The following RFPL4B variants were observed in gnomAD, a reference collection of about 807,000 sequenced individuals.
The protein encoded by RFPL4B is ret finger protein-like 4B.
For missense variants in RFPL4B, 314 were observed against 327.7 expected (o/e 0.96, Z 0.32); for synonymous variants, 118 against 126.3 (o/e 0.93, Z 0.44).
In RFPL4B at chr6:112,349,996, T is replaced by C. The variant is rs1430864246; in HGVS notation, c.288T>C (p.Asp96=). 11 of 1,614,198 alleles carry C rather than the reference T, an allele frequency of 6.8e-6. 1 individual carries two copies. Among genetic ancestry groups the C allele is most frequent in the South Asian group, 2.2e-5 (2 of 91,088 alleles). The part of the protein sequence containing the change: ...VREELRHFRE[D]VTLDAATASS... ...AGGAGCTCCGGCATTTTCGGGAGGATGTGACCCTGGATGCAGCCACTGCCA... is the reference window on the plus strand; with the variant it reads ...AGGAGCTCCGGCATTTTCGGGAGGACGTGACCCTGGATGCAGCCACTGCCA... The change falls in exon 3 of 3, where the codon GAT becomes GAC. Residue 96 remains aspartate, a synonymous_variant. Coordinates refer to ENST00000441065, the MANE Select transcript of RFPL4B (RefSeq NM_001013734.3).
Position 112,350,251 on chromosome 6 carries a change from G to A in RFPL4B, c.543G>A (p.Trp181Ter). 2.5e-6 allele frequency: 4 copies of A among 1,614,222 alleles called. No individual in the cohort carries two copies. The highest frequency in any genetic ancestry group is 3.4e-6 in the Non-Finnish European group (4 of 1,180,036). The change falls in exon 3 of 3, where the codon TGG becomes TGA. Residue 181 changes from tryptophan to a stop codon, truncating the protein, a stop_gained. Coordinates refer to ENST00000441065, the MANE Select transcript of RFPL4B (RefSeq NM_001013734.3). LOFTEE classifies it low-confidence loss of function (END_TRUNC). ...SNDLFPEHGF[W>*]ISMKAGAIHA... ...ATTTATTCCCTGAGCATGGCTTCTG[G>A]ATCAGCATGAAGGCAGGAGCAATCC...
chr6:112,348,753 A>C (rs1348077708), intron 1 of RFPL4B, among the ~76,000 whole-genome samples: 1 of 152,196 alleles, frequency 6.6e-6, no homozygotes, highest in Admixed American at 6.5e-5. Context: ...TGTGCCCAGC[A>C]TGTCAGAGAC....
intron 1 of RFPL4B, among the ~76,000 whole-genome samples, chr6:112,348,952 C>G (rs1789116196): frequency 6.6e-6 from 1 of 152,090 alleles, no homozygotes; most frequent in African/African-American, 2.4e-5. Flanking sequence ...TTAATTCAAG[C>G]CTTAATTAGT....
Position 112,350,192 on chromosome 6 carries a change from G to A in RFPL4B, c.484G>A (p.Val162Ile), listed in dbSNP as rs149053311. The A allele has an allele frequency of 1.0e-4, 165 of 1,614,062 alleles. No individual in the cohort carries two copies. Among genetic ancestry groups the A allele is most frequent in the South Asian group, 2.1e-4 (19 of 91,090 alleles). The change falls in exon 3 of 3, where the codon GTC (valine) becomes ATC (isoleucine). Residue 162 changes from valine to isoleucine, a missense_variant. Coordinates refer to ENST00000441065, the MANE Select transcript of RFPL4B (RefSeq NM_001013734.3). The part of the protein sequence containing the change: ...VGEVKSWSLG[V>I]CKEPADRKSN... ...AGAGGTGAAGTCATGGTCCCTGGGCGTCTGCAAGGAGCCGGCTGACAGAAA... is the reference window on the plus strand; with the variant it reads ...AGAGGTGAAGTCATGGTCCCTGGGCATCTGCAAGGAGCCGGCTGACAGAAA...
In RFPL4B at chr6:112,350,527, C is replaced by G; in HGVS notation, c.*27C>G. 1 of 1,532,020 alleles carries G rather than the reference C, an allele frequency of 6.5e-7. No homozygotes were observed. The highest frequency in any genetic ancestry group is 8.8e-7 in the Non-Finnish European group (1 of 1,139,598). The allele number at this position is 1,532,020 out of a possible 1,614,324, so 94.9% of individuals were successfully genotyped here. On this transcript the variant is annotated 3_prime_UTR_variant, in exon 3 of 3. Transcript: ENST00000441065. ...AAAGTCAGCCCTTCCTAGAAGCTTTCTGAGAGGTGAAAGAGAATTTTGGCC... is the reference window on the plus strand; with the variant it reads ...AAAGTCAGCCCTTCCTAGAAGCTTTGTGAGAGGTGAAAGAGAATTTTGGCC...
In RFPL4B at chr6:112,350,301, T is replaced by C; in HGVS notation, c.593T>C (p.Ile198Thr). The change falls in exon 3 of 3, where the codon ATT (isoleucine) becomes ACT (threonine). Residue 198 changes from isoleucine to threonine, a missense_variant. Ile to Thr is a moderately conservative substitution (Grantham distance 89). Coordinates refer to ENST00000441065, the MANE Select transcript of RFPL4B (RefSeq NM_001013734.3). ...CATGCTAACACCCACCTGGAGAGAA[T>C]TCCTGCAAGCCCTCGCCTTCGCCGT... ...AIHANTHLERIPASPRLRRVG... is the reference protein window; with the variant it reads ...AIHANTHLERTPASPRLRRVG... 3 of 1,614,254 alleles carry C rather than the reference T, an allele frequency of 1.9e-6. No individual in the cohort carries two copies. The highest frequency in any genetic ancestry group is 2.2e-5 in the East Asian group (1 of 44,890).
rs768177860 is a variant in RFPL4B at position 112,350,340 on chromosome 6, T to G, written c.632T>G (p.Leu211Arg). The change falls in exon 3 of 3, where the codon CTG becomes CGG. Residue 211 changes from leucine to arginine, a missense_variant. Coordinates refer to ENST00000441065, the MANE Select transcript of RFPL4B (RefSeq NM_001013734.3). ...SPRLRRVGIF[L>R]DADLEEIQFF... Reference sequence around the variant, plus strand: ...CGCCTTCGCCGTGTGGGAATTTTCCTGGATGCTGACTTAGAAGAAATCCAG... The same window carrying G: ...CGCCTTCGCCGTGTGGGAATTTTCCGGGATGCTGACTTAGAAGAAATCCAG... The G allele has an allele frequency of 6.2e-7, 1 of 1,614,158 alleles. No homozygotes were observed. Among genetic ancestry groups the G allele is most frequent in the Non-Finnish European group, 8.5e-7 (1 of 1,180,058 alleles).
In RFPL4B at chr6:112,350,333, A is replaced by G. The variant is rs1789137640; in HGVS notation, c.625A>G (p.Ile209Val). The G allele has an allele frequency of 1.9e-6, 3 of 1,614,208 alleles. No homozygotes were observed. In the East Asian group the frequency reaches 6.7e-5, roughly 36 times the overall value. The change falls in exon 3 of 3, where the codon ATT becomes GTT. Residue 209 changes from isoleucine (I) to valine (V), a missense_variant. Transcript: ENST00000441065. ...AAGCCCTCGCCTTCGCCGTGTGGGA[A>G]TTTTCCTGGATGCTGACTTAGAAGA... Reference protein sequence around the residue: ...PASPRLRRVGIFLDADLEEIQ... With the variant: ...PASPRLRRVGVFLDADLEEIQ...
rs1254513260 is a variant in RFPL4B, at chr6:112,351,040, T to C, written c.*540T>C. ...TGGGGAAGAACTAAGTTTTTCATTT[T>C]TATTTTCTTTGAAACACAGCCACAT... On this transcript the variant is annotated 3_prime_UTR_variant, in exon 3 of 3. Transcript: ENST00000441065. 6.0e-6 allele frequency: 1 copy of C among 167,048 alleles called. No homozygotes were observed. The highest frequency in any genetic ancestry group is 1.5e-5 in the Non-Finnish European group (1 of 68,166). The allele number at this position is 167,048 out of a possible 1,614,324, so 10.3% of individuals were successfully genotyped here.
Position 112,350,175 on chromosome 6 carries a change from A to T in RFPL4B, c.467A>T (p.Lys156Met), listed in dbSNP as rs753139385. 1 of 1,614,166 alleles carries T rather than the reference A, an allele frequency of 6.2e-7. No individual in the cohort carries two copies. The highest frequency in any genetic ancestry group is 1.1e-5 in the South Asian group (1 of 91,082). The change falls in exon 3 of 3, where the codon AAG becomes ATG. Residue 156 changes from lysine to methionine, a missense_variant. Coordinates refer to ENST00000441065, the MANE Select transcript of RFPL4B (RefSeq NM_001013734.3). ...HYWEVEVGEVKSWSLGVCKEP... is the reference protein window; with the variant it reads ...HYWEVEVGEVMSWSLGVCKEP... The stretch of plus-strand genomic sequence containing the variant: ...TGGGAGGTTGAAGTGGGAGAGGTGA[A>T]GTCATGGTCCCTGGGCGTCTGCAAG...
At chr6:112,348,413 G>A (rs1039636055) in intron 1 of RFPL4B, among the ~76,000 whole-genome samples, 2 of 152,200 alleles carry the variant, frequency 1.3e-5, no homozygotes, top group African/African-American at 4.8e-5. Flanking sequence ...GAGCACAGAA[G>A]GGGCTCAATA....
chr6:112,349,641 G>GTGCT lies in RFPL4B; in HGVS notation c.-66_-63dup. The GTGCT allele has an allele frequency of 2.2e-6, 3 of 1,370,240 alleles. No individual in the cohort carries two copies. Among genetic ancestry groups the GTGCT allele is most frequent in the Non-Finnish European group, 3.1e-6 (3 of 980,740 alleles). 84.9% of individuals were successfully genotyped at this position (1,370,240 alleles called of 1,614,324 possible). ...TGGATTGTGTACTGAGGGCTCCCAA[G>GTGCT]TGCTTCCAGAAGCCAATAAAGGATC... On this transcript the variant is annotated 5_prime_UTR_variant, in exon 3 of 3. Transcript: ENST00000441065.
At position 112,350,861 on chromosome 6, in the gene RFPL4B, A is replaced by G; in HGVS notation, c.*361A>G. 1 of 187,144 alleles carries G rather than the reference A, an allele frequency of 5.3e-6. No individual in the cohort carries two copies. Among genetic ancestry groups the G allele is most frequent in the Non-Finnish European group, 1.2e-5 (1 of 81,078 alleles). 11.6% of individuals were successfully genotyped at this position (187,144 alleles called of 1,614,324 possible). On this transcript the variant is annotated 3_prime_UTR_variant, in exon 3 of 3. Coordinates refer to ENST00000441065, the MANE Select transcript of RFPL4B (RefSeq NM_001013734.3). ...AGAAATCTTAGATTGTAAGTAAGCTAGATATTAGGTTTTGTGGATAGACAA... is the reference window on the plus strand; with the variant it reads ...AGAAATCTTAGATTGTAAGTAAGCTGGATATTAGGTTTTGTGGATAGACAA...
Position 112,349,876 on chromosome 6 carries a change from G to A in RFPL4B, c.168G>A (p.Val56=). The A allele has an allele frequency of 6.2e-7, 1 of 1,614,140 alleles. No individual in the cohort carries two copies. Among genetic ancestry groups the A allele is most frequent in the East Asian group, 2.2e-5 (1 of 44,880 alleles). ...RAMCPLCRDV[V]KVPALEEWQV... Reference sequence around the variant, plus strand: ...TGTGCCCCTTGTGTCGAGACGTGGTGAAGGTACCTGCTTTGGAAGAATGGC... The same window carrying A: ...TGTGCCCCTTGTGTCGAGACGTGGTAAAGGTACCTGCTTTGGAAGAATGGC... The change falls in exon 3 of 3, where the codon GTG becomes GTA. Residue 56 remains valine, a synonymous_variant. Transcript: ENST00000441065.
intron 1 of RFPL4B, among the ~76,000 whole-genome samples, chr6:112,347,844 C>G (rs1435856901): frequency 6.6e-6 from 1 of 152,096 alleles, no homozygotes; most frequent in Admixed American, 6.6e-5. Flanking sequence ...CGTGGTGGCA[C>G]ATGCTTGTAA....
intron 1 of RFPL4B, 54 bp downstream of exon 1, chr6:112,347,461 T>C (rs1196943723): frequency 6.6e-6 from 1 of 152,260 alleles, no homozygotes; most frequent in Admixed American, 6.5e-5. Flanking sequence ...TGTCTTTGGC[T>C]ACAAACTGGT....
rs963285893 is a variant in RFPL4B at position 112,350,833 on chromosome 6, T to C, written c.*333T>C. 4.8e-6 allele frequency: 1 copy of C among 207,224 alleles called. No homozygotes were observed. The highest frequency in any genetic ancestry group is 2.3e-5 in the African/African-American group (1 of 42,940). The allele number at this position is 207,224 out of a possible 1,614,324, so 12.8% of individuals were successfully genotyped here. A position where few individuals can be genotyped will look rare whatever the true frequency, so the allele number is the denominator to read the frequency against. On this transcript the variant is annotated 3_prime_UTR_variant, in exon 3 of 3. Transcript: ENST00000441065. ...CCTTTGTCTTATAGTAAATAACAAA[T>C]AGAGAAATCTTAGATTGTAAGTAAG...
chr6:112,349,438 T>G (rs1411137137), intron 2 of RFPL4B, 117 bp downstream of exon 2: 2 of 154,996 alleles, frequency 1.3e-5, no homozygotes, highest in Non-Finnish European at 2.9e-5. Flanking sequence ...ACTGTGATTC[T>G]CTAGCAATTT....
rs368536311 is a variant in RFPL4B, at chr6:112,349,683, C to T, written c.-26C>T. The T allele has an allele frequency of 5.5e-4, 882 of 1,599,538 alleles. No individual in the cohort carries two copies. The highest frequency in any genetic ancestry group is 7.2e-4 in the Non-Finnish European group (837 of 1,170,608). ...TAAAGGATCACTTCAGTTTACTTCA[C>T]GGCTAAGGAGTAACCCTTAAGAACC... On this transcript the variant is annotated 5_prime_UTR_variant, in exon 3 of 3. In the 5' UTR this introduces an upstream ATG that the reference lacks. Coordinates refer to ENST00000441065, the MANE Select transcript of RFPL4B (RefSeq NM_001013734.3).
Sources: gnomAD v4.1 joint callset for allele counts (sites outside exome capture counted in the v4.1 genomes callset) on GRCh38, gnomAD v4.1.1 for gene constraint, MANE v1.5 for transcripts, NCBI Gene and HGNC (gene_info 2026-07-23, HGNC 2026-07-21) for gene names.